The following SNTG2 variants were observed in gnomAD, a reference collection of about 807,000 sequenced individuals.
The protein encoded by SNTG2 is gamma-2-syntrophin.
A neutral mutation model predicts 70.9 loss-of-function variants in SNTG2; 74 were observed. That is an observed-to-expected ratio of 1.04 (90% CI 0.86 to 1.27). SNTG2 has a LOEUF of 1.27. SNTG2 is among the 50% of genes most tolerant of loss of function. The probability of loss-of-function intolerance (pLI) is 0.00; values close to 1 mark genes in which losing one functional copy is unlikely to be tolerated. For synonymous variants in SNTG2, 278 were observed against 273.8 expected, an observed-to-expected ratio of 1.02 and a Z score of -0.15; for missense variants, 717 against 690.7, an observed-to-expected ratio of 1.04 and a Z score of -0.43.
In SNTG2 at chr2:971,438, TGTGTTCATAGAG is replaced by T. The variant is rs1168889278; in HGVS notation, c.72+20380_72+20391del. Among the ~76,000 whole-genome samples the T allele has an allele frequency of 5.3e-5, 8 of 152,264 alleles. No individual in the cohort carries two copies. In the East Asian group the frequency reaches 1.2e-3, roughly 22 times the overall value. On this transcript the variant is annotated intron_variant, in intron 1 of 16. Transcript: ENST00000308624. Reference sequence around the variant, plus strand: ...TTCATTTCTTTTAGGTTTTTTAGTTTGTGTTCATAGAGGTGTTCATAATAGTCTCTTTTTTTG... The same window carrying T: ...TTCATTTCTTTTAGGTTTTTTAGTTTGTGTTCATAATAGTCTCTTTTTTTG...
At chr2:955,358 A>T (rs1660107441) in intron 1 of SNTG2, among the ~76,000 whole-genome samples, 2 of 152,224 alleles carry the variant, frequency 1.3e-5, no homozygotes, top group Admixed American at 1.3e-4. Flanking sequence ...GTTATTATAA[A>T]AACAATCACA....
At chr2:996,347 C>T (rs1328751064) in intron 1 of SNTG2, among the ~76,000 whole-genome samples, 1 of 152,106 alleles carries the variant, frequency 6.6e-6, no homozygotes, top group Non-Finnish European at 1.5e-5. Flanking sequence ...AGATGGTGCC[C>T]TCAATTTCTA....
chr2:1,313,628 G>GA (rs946513545), intron 15 of SNTG2, among the ~76,000 whole-genome samples: 2 of 152,320 alleles, frequency 1.3e-5, no homozygotes, highest in East Asian at 1.9e-4. Context: ...GTGCAGAAGA[G>GA]AAAATCTGTG....
chr2:1,096,394 T>C (rs1665391439), intron 2 of SNTG2, among the ~76,000 whole-genome samples: 1 of 152,240 alleles, frequency 6.6e-6, no homozygotes, highest in Admixed American at 6.5e-5. Flanking sequence ...TATGGTATTA[T>C]TAACCATAGT....
At chr2:1,157,634 G>C (rs1163415811) in intron 6 of SNTG2, among the ~76,000 whole-genome samples, 1 of 152,198 alleles carries the variant, frequency 6.6e-6, no homozygotes, top group Non-Finnish European at 1.5e-5. Flanking sequence ...CATAGGCTAA[G>C]GTCTGTTTCT....
At chr2:1,312,602 G>A (rs113766476) in intron 15 of SNTG2, among the ~76,000 whole-genome samples, 3,838 of 152,280 alleles carry the variant, frequency 0.025, 161 homozygotes, top group African/African-American at 0.088. Context: ...CAGAACCACC[G>A]CAGGATTCAC....
chr2:1,279,266 A>T (rs895426958), intron 14 of SNTG2, among the ~76,000 whole-genome samples: 1 of 152,280 alleles, frequency 6.6e-6, no homozygotes, highest in Non-Finnish European at 1.5e-5. Flanking sequence ...GGATGTAGTC[A>T]TGTCACATAA....
rs766976651 is a variant in SNTG2, at chr2:1,247,406, T to G, written c.968T>G (p.Leu323Arg). The G allele has an allele frequency of 4.3e-6, 7 of 1,613,948 alleles. No individual in the cohort carries two copies. In the South Asian group the frequency reaches 7.7e-5, roughly 18 times the overall value. Residue 323 changes from leucine (L) to arginine (R), a missense_variant, in exon 12 of 17, where the codon CTG becomes CGG. By Grantham distance (102) the Leu-to-Arg change is moderately radical. Transcript: ENST00000308624. ...ACCTTCAGACCCAAGTTCCTAGCAC[T>G]GAAGGGCCCGTCCTTCTACGTTTTC... is the stretch of plus-strand genomic sequence containing the variant. ...SQTFRPKFLA[L>R]KGPSFYVFST...
chr2:1,221,467 CT>C (rs1674832715), intron 9 of SNTG2, among the ~76,000 whole-genome samples: 3 of 33,242 alleles, frequency 9.0e-5, no homozygotes, highest in Non-Finnish European at 1.6e-4. Context: ...CTGTCTCTGT[CT>C]CTCTGTCTCT....
intron 6 of SNTG2, among the ~76,000 whole-genome samples, chr2:1,144,539 T>C (rs779528739): frequency 6.6e-6 from 1 of 152,132 alleles, no homozygotes; most frequent in Non-Finnish European, 1.5e-5. Context: ...AAGACATACC[T>C]GAGACTAGGT....
At chr2:1,205,019 A>G (rs887941027) in intron 8 of SNTG2, among the ~76,000 whole-genome samples, 4 of 152,220 alleles carry the variant, frequency 2.6e-5, no homozygotes, top group African/African-American at 7.2e-5. Flanking sequence ...TAAAAACCAA[A>G]TAGAAAAAGA....
chr2:1,322,104 G>T (rs80126871), intron 16 of SNTG2, among the ~76,000 whole-genome samples: 2,285 of 152,254 alleles, frequency 0.015, 48 homozygotes, highest in African/African-American at 0.05. Context: ...TCTCTCAATA[G>T]CTGCATCCAG....
intron 1 of SNTG2, among the ~76,000 whole-genome samples, chr2:983,850 G>A (rs62106774): frequency 0.077 from 11,659 of 152,262 alleles, 670 homozygotes; most frequent in South Asian, 0.2. Flanking sequence ...ATGGGAGGAG[G>A]GATGAGGGTG....
At chr2:1,159,419 T>G (rs1333707888) in intron 6 of SNTG2, 2 of 152,168 alleles carry the variant, frequency 1.3e-5, no homozygotes, top group Non-Finnish European at 1.5e-5. Flanking sequence ...ACAGATGATA[T>G]CTAGTAAACA....
intron 8 of SNTG2, among the ~76,000 whole-genome samples, chr2:1,204,177 T>A (rs1187268695): frequency 6.6e-6 from 1 of 152,072 alleles, no homozygotes; most frequent in African/African-American, 2.4e-5. Context: ...TGGGGGTAGG[T>A]GTTATGTGGA....
At chr2:1,330,954 A>C (rs1472703123) in intron 16 of SNTG2, among the ~76,000 whole-genome samples, 1 of 152,224 alleles carries the variant, frequency 6.6e-6, no homozygotes, top group Non-Finnish European at 1.5e-5. Flanking sequence ...GGTTGTCACC[A>C]GTGAGTTGTG....
At chr2:1,309,554 C>G (rs9678377) in intron 15 of SNTG2, among the ~76,000 whole-genome samples, 88,630 of 152,142 alleles carry the variant, frequency 0.58, 26,313 homozygotes, top group African/African-American at 0.69. Flanking sequence ...AGGGCACCTG[C>G]AGGGTGGAGC....
chr2:1,306,685 AGTGT>A (rs34835668), intron 14 of SNTG2, among the ~76,000 whole-genome samples: 40 of 149,004 alleles, frequency 2.7e-4, no homozygotes, highest in African/African-American at 4.5e-4. Flanking sequence ...CCAGGGTGTG[AGTGT>A]GTGTGTGTGT....
At chr2:1,295,067 G>A (rs941021469) in intron 14 of SNTG2, among the ~76,000 whole-genome samples, 16 of 152,190 alleles carry the variant, frequency 1.1e-4, no homozygotes, top group Admixed American at 9.8e-4. Flanking sequence ...TGGAGTGCTG[G>A]GGAGATGATG....
Sources: allele counts gnomAD v4.1 joint callset (sites outside exome capture counted in the v4.1 genomes callset), GRCh38; gene constraint gnomAD v4.1.1; transcripts MANE v1.5; gene names NCBI Gene and HGNC (gene_info 2026-07-23, HGNC 2026-07-21).